Variants in CEP97 observed in about 807,000 individuals in gnomAD.
CEP97 encodes centrosomal protein 97.
A neutral mutation model predicts 73.1 loss-of-function variants in CEP97; 43 were observed. The ratio of observed to expected loss-of-function variants is 0.59; its 90% CI spans 0.46 to 0.76. The LOEUF is 0.76. Among genes scored for constraint, CEP97 ranks in the 30% least tolerant of loss-of-function variants. The pLI is 0.00. For synonymous variants in CEP97, 337 were observed against 370.0 expected, an observed-to-expected ratio of 0.91 and a Z score of 1.02; for missense variants, 939 against 1,014.0, an observed-to-expected ratio of 0.93 and a Z score of 1.00.
intron 6 of CEP97, among the ~76,000 whole-genome samples, chr3:101,750,166 T>G (rs1938760591): frequency 7.0e-6 from 1 of 143,724 alleles, no homozygotes; most frequent in Non-Finnish European, 1.5e-5. Context: ...TGAATTGATT[T>G]TTGTATAAGG....
chr3:101,733,317 TAATC>T (rs1938172332), intron 6 of CEP97, among the ~76,000 whole-genome samples: 1 of 152,164 alleles, frequency 6.6e-6, no homozygotes, highest in African/African-American at 2.4e-5. Flanking sequence ...TGTAATATAT[TAATC>T]TATCACATAT....
chr3:101,737,526 G>T (rs996340463), intron 6 of CEP97, among the ~76,000 whole-genome samples: 1 of 152,106 alleles, frequency 6.6e-6, no homozygotes, highest in African/African-American at 2.4e-5. Context: ...AGAGAGTGGG[G>T]GCCGATATTC....
At chr3:101,748,675 CTG>C (rs1421176381) in intron 6 of CEP97, among the ~76,000 whole-genome samples, 1 of 152,152 alleles carries the variant, frequency 6.6e-6, no homozygotes, top group Non-Finnish European at 1.5e-5. Context: ...GAGTCTCACT[CTG>C]TTGCCCAGGC....
intron 6 of CEP97, among the ~76,000 whole-genome samples, chr3:101,754,967 G>T (rs996266798): frequency 6.7e-6 from 1 of 150,000 alleles, no homozygotes; most frequent in South Asian, 2.1e-4. Context: ...TGATTATAGC[G>T]CACTATAGCC....
intron 2 of CEP97, among the ~76,000 whole-genome samples, 162 bp from the exon 3 acceptor site, chr3:101,727,221 C>A (rs760927923): frequency 2.0e-5 from 3 of 152,158 alleles, no homozygotes; most frequent in Non-Finnish European, 2.9e-5. Context: ...TAACAAAAAA[C>A]TGATAGTCAT....
At position 101,765,079 on chromosome 3, in the gene CEP97, A is replaced by G. The variant is rs757231132; in HGVS notation, c.2126A>G (p.Glu709Gly). The G allele has an allele frequency of 6.2e-7, 1 of 1,614,190 alleles. No individual in the cohort carries two copies. Among genetic ancestry groups the G allele is most frequent in the African/African-American group, 1.3e-5 (1 of 75,072 alleles). ...TCTGGTTTTCATTCCTCTCTAACAGAACAAGTTCATTCATTGCAGCATTCT... is the reference window on the plus strand; with the variant it reads ...TCTGGTTTTCATTCCTCTCTAACAGGACAAGTTCATTCATTGCAGCATTCT... Reference protein sequence around the residue: ...PDSGFHSSLTEQVHSLQHSLD... With the variant: ...PDSGFHSSLTGQVHSLQHSLD... Residue 709 changes from glutamate (E) to glycine (G), a missense_variant, in exon 11 of 11, where the codon GAA becomes GGA. Physicochemically the swap from Glu to Gly is moderately conservative, Grantham distance 98. Transcript: ENST00000341893.
chr3:101,759,937 C>A (rs1939122326), intron 9 of CEP97, among the ~76,000 whole-genome samples: 1 of 140,056 alleles, frequency 7.1e-6, no homozygotes, highest in Non-Finnish European at 1.5e-5. Context: ...ATTAAAGGAA[C>A]ATTCTCTTTT....
In CEP97 at chr3:101,764,836, C is replaced by T; in HGVS notation, c.1894-11C>T. On this transcript the variant is annotated splice_polypyrimidine_tract_variant and intron_variant, in intron 10 of 10. Coordinates refer to ENST00000341893, the MANE Select transcript of CEP97 (RefSeq NM_024548.4). ...TTATTTTATAATACAACTGTATTCT[C>T]TGGTTTATAGGTAAGGTCTCTACAG... 1 of 1,573,716 alleles carries T rather than the reference C, an allele frequency of 6.4e-7. No individual in the cohort carries two copies. The highest frequency in any genetic ancestry group is 8.6e-7 in the Non-Finnish European group (1 of 1,165,676).
chr3:101,762,872 A>G (rs757470729), intron 10 of CEP97, among the ~76,000 whole-genome samples: 3 of 152,202 alleles, frequency 2.0e-5, no homozygotes, highest in Non-Finnish European at 4.4e-5. Context: ...TCATGTAGCT[A>G]TCGATCTGTC....
chr3:101,726,989 C>T (rs1469474994), intron 2 of CEP97, among the ~76,000 whole-genome samples: 1 of 152,064 alleles, frequency 6.6e-6, no homozygotes, highest in Non-Finnish European at 1.5e-5. Context: ...TAACCTTTTA[C>T]CTCATGATGG....
In CEP97 at chr3:101,765,091, C is replaced by G. The variant is rs1050987348; in HGVS notation, c.2138C>G (p.Ser713Ter). The G allele has an allele frequency of 6.2e-7, 1 of 1,614,028 alleles. No individual in the cohort carries two copies. The highest frequency in any genetic ancestry group is 8.5e-7 in the Non-Finnish European group (1 of 1,180,034). The change falls in exon 11 of 11, where the codon TCA becomes TGA. Residue 713 changes from serine (S) to a stop codon, truncating the protein, a stop_gained. Transcript: ENST00000341893. LOFTEE classifies it low-confidence loss of function (END_TRUNC). The stretch of plus-strand genomic sequence containing the variant: ...TCCTCTCTAACAGAACAAGTTCATT[C>G]ATTGCAGCATTCTTTGGATTTTGAG... ...FHSSLTEQVHSLQHSLDFEKS... is the reference protein window; with the variant it reads ...FHSSLTEQVH
chr3:101,760,552 T>C (rs1939143420), intron 9 of CEP97, among the ~76,000 whole-genome samples: 1 of 152,000 alleles, frequency 6.6e-6, no homozygotes, highest in South Asian at 2.1e-4. Context: ...AGATTTTATA[T>C]GTTTTTTGAG....
intron 1 of CEP97, among the ~76,000 whole-genome samples, chr3:101,725,587 A>G (rs1169192768): frequency 2.0e-5 from 3 of 152,184 alleles, no homozygotes; most frequent in Non-Finnish European, 2.9e-5. Flanking sequence ...CACCCCTTTC[A>G]TCAATTTTTC....
At chr3:101,728,095 G>A (rs754691818) in intron 3 of CEP97, among the ~76,000 whole-genome samples, 16 of 152,296 alleles carry the variant, frequency 1.1e-4, no homozygotes, top group Non-Finnish European at 4.4e-5. Flanking sequence ...CATTATGCGT[G>A]TTATAAAGGT....
intron 6 of CEP97, among the ~76,000 whole-genome samples, chr3:101,751,427 G>A (rs1938816155): frequency 6.6e-6 from 1 of 152,130 alleles, no homozygotes; most frequent in Non-Finnish European, 1.5e-5. Flanking sequence ...TATCTATTAG[G>A]TCCGCTTGGT....
intron 9 of CEP97, among the ~76,000 whole-genome samples, chr3:101,762,174 A>G (rs1187678574): frequency 6.6e-6 from 1 of 152,064 alleles, no homozygotes; most frequent in Non-Finnish European, 1.5e-5. Flanking sequence ...TTAACATTTT[A>G]TTTTATTTCT....
At chr3:101,764,735 A>G in intron 10 of CEP97, 112 bp from the exon 11 acceptor site, 1 of 875,762 alleles carries the variant, frequency 1.1e-6, no homozygotes, top group Non-Finnish European at 1.7e-6. Flanking sequence ...GTGAGCCATG[A>G]TTGTGCTGCT....
intron 3 of CEP97, 31 bp downstream of exon 3, chr3:101,727,572 A>G: frequency 1.3e-6 from 2 of 1,554,512 alleles, no homozygotes; most frequent in Non-Finnish European, 8.7e-7. Flanking sequence ...TTACAAAACT[A>G]TTCTGCGTAA....
chr3:101,729,926 T>G (rs936233459), intron 4 of CEP97, among the ~76,000 whole-genome samples: 4 of 151,966 alleles, frequency 2.6e-5, no homozygotes, highest in Admixed American at 2.6e-4. Flanking sequence ...TGCCTCAGCG[T>G]CCCGCGTAGC....
Sources: allele counts gnomAD v4.1 joint callset (sites outside exome capture counted in the v4.1 genomes callset), GRCh38; gene constraint gnomAD v4.1.1; transcripts MANE v1.5; gene names NCBI Gene and HGNC (gene_info 2026-07-23, HGNC 2026-07-21).